The following NUP133 variants were observed in gnomAD, a reference collection of about 807,000 sequenced individuals.
NUP133 encodes nucleoporin 133.
Under a neutral mutation model 146.2 loss-of-function variants are expected in NUP133, and 66 were observed. The ratio of observed to expected loss-of-function variants is 0.45; its 90% CI spans 0.37 to 0.55. NUP133 has a LOEUF of 0.55. Among genes scored for constraint, NUP133 ranks in the 20% least tolerant of loss-of-function variants. The pLI is 0.00. For missense variants in NUP133, 1,277 were observed against 1,374.8 expected, an observed-to-expected ratio of 0.93 and a Z score of 1.12; for synonymous variants, 521 against 498.8, an observed-to-expected ratio of 1.04 and a Z score of -0.59.
At chr1:229,456,391 C>T (rs1660559404) in intron 21 of NUP133, among the ~76,000 whole-genome samples, 1 of 152,176 alleles carries the variant, frequency 6.6e-6, no homozygotes, top group Non-Finnish European at 1.5e-5. Context: ...ATTTCACTGA[C>T]CCTCTCCCTT....
intron 14 of NUP133, among the ~76,000 whole-genome samples, chr1:229,475,264 A>T (rs1661048754): frequency 6.6e-6 from 1 of 152,222 alleles, no homozygotes; most frequent in African/African-American, 2.4e-5. Flanking sequence ...TTTCTAATTT[A>T]GGCACAATAT....
At chr1:229,450,006 T>G (rs1660411694) in intron 23 of NUP133, among the ~76,000 whole-genome samples, 1 of 150,054 alleles carries the variant, frequency 6.7e-6, no homozygotes, top group African/African-American at 2.4e-5. Flanking sequence ...GCCTCCCAAG[T>G]AGCTGGGATT....
intron 14 of NUP133, among the ~76,000 whole-genome samples, chr1:229,472,269 A>G (rs1660973374): frequency 6.7e-6 from 1 of 150,128 alleles, no homozygotes; most frequent in Admixed American, 6.7e-5. Context: ...CAGTGAGCAG[A>G]GATTGCGCCA....
chr1:229,506,493 T>C (rs1661942645), intron 1 of NUP133, among the ~76,000 whole-genome samples: 1 of 149,936 alleles, frequency 6.7e-6, no homozygotes, highest in South Asian at 2.1e-4. Flanking sequence ...TTTGCAGATC[T>C]CAACATTTTT....
chr1:229,485,425 A>G (rs1661324479), intron 11 of NUP133, among the ~76,000 whole-genome samples: 1 of 152,202 alleles, frequency 6.6e-6, no homozygotes, highest in Non-Finnish European at 1.5e-5. Context: ...TGGAGTGTGT[A>G]AAAAGATTAA....
intron 8 of NUP133, 90 bp downstream of exon 8, chr1:229,495,405 A>G (rs943737313): frequency 1.2e-6 from 1 of 860,402 alleles, no homozygotes; most frequent in Non-Finnish European, 1.9e-6. Context: ...GAAAGAGCAC[A>G]TAGTGAGATT....
intron 3 of NUP133, among the ~76,000 whole-genome samples, chr1:229,501,713 T>C (rs540193571): frequency 6.6e-6 from 1 of 152,364 alleles, no homozygotes; most frequent in East Asian, 1.9e-4. Context: ...TTTAGTCTGA[T>C]ACTTCATTAG....
At chr1:229,481,135 T>G (rs538613435) in intron 12 of NUP133, among the ~76,000 whole-genome samples, 1 of 152,220 alleles carries the variant, frequency 6.6e-6, no homozygotes, top group African/African-American at 2.4e-5. Context: ...ACTTCACCCA[T>G]GTTGGGCAGG....
At chr1:229,505,564 T>TAAAA (rs56383157) in intron 2 of NUP133, among the ~76,000 whole-genome samples, 110 of 63,236 alleles carry the variant, frequency 1.7e-3, no homozygotes, top group African/African-American at 4.4e-3. Context: ...CAATTACAGT[T>TAAAA]AAAAAAAAAA....
intron 24 of NUP133, among the ~76,000 whole-genome samples, chr1:229,445,442 G>A (rs1011393108): frequency 3.3e-5 from 5 of 152,064 alleles, no homozygotes; most frequent in African/African-American, 4.8e-5. Context: ...TCAGCCTCCC[G>A]AGTAGCTAGG....
At chr1:229,471,904 A>T (rs1391153125) in intron 14 of NUP133, among the ~76,000 whole-genome samples, 1 of 152,116 alleles carries the variant, frequency 6.6e-6, no homozygotes, top group Admixed American at 6.5e-5. Flanking sequence ...TCTTATTTTT[A>T]ATGACTGGTT....
intron 24 of NUP133, among the ~76,000 whole-genome samples, chr1:229,448,394 C>T (rs1660361910): frequency 6.6e-6 from 1 of 152,060 alleles, no homozygotes; most frequent in Non-Finnish European, 1.5e-5. Context: ...CACCACTGCA[C>T]TCCAGGCTGG....
chr1:229,506,837 A>AC (rs1468430228), intron 1 of NUP133, among the ~76,000 whole-genome samples: 1 of 151,010 alleles, frequency 6.6e-6, no homozygotes, highest in East Asian at 1.9e-4. Context: ...AAAAAAAAAA[A>AC]AAACTATCAG....
Position 229,442,027 on chromosome 1 carries a change from A to T in NUP133, c.3348T>A (p.Ser1116Arg), listed in dbSNP as rs959226504. The T allele has an allele frequency of 1.9e-6, 3 of 1,568,160 alleles. No homozygotes were observed. The highest frequency in any genetic ancestry group is 1.7e-6 in the Non-Finnish European group (2 of 1,165,840). ...GGTCTTTCACCTCCGGTAAGTACTC[A>T]CTGAGCTGAATGCCTATAAACACAA... is the stretch of plus-strand genomic sequence containing the variant. The part of the protein sequence containing the change: ...QKLLKDGIQL[S>R]EYLPEVKDLL... The change falls in exon 26 of 26, where the codon AGT (serine) becomes AGA (arginine). Residue 1116 changes from serine to arginine, a missense_variant. Ser to Arg is a moderately radical substitution (Grantham distance 110). Transcript: ENST00000261396.
intron 1 of NUP133, among the ~76,000 whole-genome samples, chr1:229,506,925 T>C (rs1424220838): frequency 6.6e-6 from 1 of 151,802 alleles, no homozygotes; most frequent in African/African-American, 2.4e-5. Context: ...GATATCACAG[T>C]AAAAACTTTA....
intron 20 of NUP133, among the ~76,000 whole-genome samples, chr1:229,460,154 A>G (rs1660659083): frequency 6.6e-6 from 1 of 152,182 alleles, no homozygotes. Flanking sequence ...GGTCATCTGC[A>G]TGTCTTTTTT....
intron 12 of NUP133, among the ~76,000 whole-genome samples, chr1:229,481,621 C>A (rs1248742495): frequency 6.6e-6 from 1 of 151,444 alleles, no homozygotes; most frequent in African/African-American, 2.4e-5. Flanking sequence ...ATTGCTTGAA[C>A]CAGGGAGGCA....
At chr1:229,470,907 C>T (rs1346623582) in intron 14 of NUP133, 103 bp from the exon 15 acceptor site, 1 of 928,722 alleles carries the variant, frequency 1.1e-6, no homozygotes, top group Admixed American at 2.1e-5. Flanking sequence ...TCACTGGCCC[C>T]AGCTTTCCCC....
At chr1:229,475,537 C>G in intron 14 of NUP133, 101 bp downstream of exon 14, 1 of 791,954 alleles carries the variant, frequency 1.3e-6, no homozygotes, top group Admixed American at 2.2e-5. Context: ...CCAGTCATGC[C>G]CCACCCAATG....
Sources: gnomAD v4.1 joint callset for allele counts (sites outside exome capture counted in the v4.1 genomes callset) on GRCh38, gnomAD v4.1.1 for gene constraint, MANE v1.5 for transcripts, NCBI Gene and HGNC (gene_info 2026-07-23, HGNC 2026-07-21) for gene names.